The following PCDHGB1 variants were observed in gnomAD, a reference collection of about 807,000 sequenced individuals.
PCDHGB1 encodes protocadherin gamma-B1.
In PCDHGB1, 34 loss-of-function variants were observed where a neutral mutation model predicts 56.6. The observed-to-expected ratio is 0.60, with a 90% CI of 0.46 to 0.80. The LOEUF is 0.80. PCDHGB1 is among the 30% of genes least tolerant of loss of function. The pLI, the probability that PCDHGB1 is intolerant of heterozygous loss-of-function variation, is 0.00. For missense variants in PCDHGB1, 1,278 were observed against 1,204.6 expected, an observed-to-expected ratio of 1.06 and a Z score of -0.90; for synonymous variants, 561 against 505.9, an observed-to-expected ratio of 1.11 and a Z score of -1.46.
chr5:141,435,951 G>A (rs371199258), intron 1 of PCDHGB1, among the ~76,000 whole-genome samples: 1 of 152,100 alleles, frequency 6.6e-6, no homozygotes, highest in Non-Finnish European at 1.5e-5. Context: ...ACCAAAAAAG[G>A]GGGCAAAATA....
intron 1 of PCDHGB1, chr5:141,372,157 T>A: frequency 2.5e-6 from 4 of 1,613,774 alleles, no homozygotes; most frequent in Non-Finnish European, 3.4e-6. Flanking sequence ...GGCTACCTGG[T>A]GACCAAGGTG....
chr5:141,508,077 G>T (rs1166570509), intron 3 of PCDHGB1: 1 of 152,446 alleles, frequency 6.6e-6, no homozygotes, highest in Non-Finnish European at 1.5e-5. Context: ...GGCTACTCTG[G>T]AGTTGCTGCC....
chr5:141,492,962 C>T (rs1197532146), intron 1 of PCDHGB1, among the ~76,000 whole-genome samples: 2 of 152,258 alleles, frequency 1.3e-5, no homozygotes, highest in Non-Finnish European at 2.9e-5. Context: ...CTATCTGACA[C>T]TCTAACAAGT....
At chr5:141,473,039 A>G (rs1593411714) in intron 1 of PCDHGB1, among the ~76,000 whole-genome samples, 1 of 152,016 alleles carries the variant, frequency 6.6e-6, no homozygotes, top group East Asian at 1.9e-4. Context: ...GGAAGGAAAG[A>G]AAGAAAGAAG....
Position 141,489,153 on chromosome 5 carries a change from G to T in PCDHGB1, c.2410-5654G>T. 1 of 935,828 alleles carries T rather than the reference G, an allele frequency of 1.1e-6. No individual in the cohort carries two copies. Among genetic ancestry groups the T allele is most frequent in the South Asian group, 1.8e-5 (1 of 55,006 alleles). 58.0% of individuals were successfully genotyped at this position (935,828 alleles called of 1,614,324 possible). A position where few individuals can be genotyped will look rare whatever the true frequency, so the allele number is the denominator to read the frequency against. Reference sequence around the variant, plus strand: ...TTTAAGAGGCTGGAAGGAGACATAAGAGACTTCAGCTGCTGCATTCCAAGC... The same window carrying T: ...TTTAAGAGGCTGGAAGGAGACATAATAGACTTCAGCTGCTGCATTCCAAGC... On this transcript the variant is annotated intron_variant, in intron 1 of 3. Transcript: ENST00000523390. The surrounding 1 kb of genome is among the most constrained non-coding windows in gnomAD (Gnocchi z 4.5).
At chr5:141,398,019 A>T (rs2093601039) in intron 1 of PCDHGB1, 1 of 1,427,024 alleles carries the variant, frequency 7.0e-7, no homozygotes, top group Admixed American at 2.6e-5. Flanking sequence ...CGTTTCCTAA[A>T]CTGGAACTGG....
intron 1 of PCDHGB1, chr5:141,375,470 GAAAACA>G (rs1452346510): frequency 6.2e-7 from 1 of 1,613,784 alleles, no homozygotes; most frequent in Admixed American, 1.7e-5. Context: ...CTATGTCCTT[GAAAACA>G]ACCCCAGGGG....
chr5:141,415,277 T>A lies in PCDHGB1; in HGVS notation c.2409+62608T>A, dbSNP rs533281226. 42 of 1,614,216 alleles carry A rather than the reference T, an allele frequency of 2.6e-5. No individual in the cohort carries two copies. In the South Asian group the frequency reaches 4.4e-4, roughly 17 times the overall value. On this transcript the variant is annotated intron_variant, in intron 1 of 3. Coordinates refer to ENST00000523390, the MANE Select transcript of PCDHGB1 (RefSeq NM_018922.3). Reference sequence around the variant, plus strand: ...CTCACTCTGTACCTGGTGGTAGCGGTGGCCGCGGTCTCCTGCGTCTTCCTG... The same window carrying A: ...CTCACTCTGTACCTGGTGGTAGCGGAGGCCGCGGTCTCCTGCGTCTTCCTG...
At chr5:141,510,534 C>T (rs1187165551) in intron 3 of PCDHGB1, among the ~76,000 whole-genome samples, 2 of 152,126 alleles carry the variant, frequency 1.3e-5, no homozygotes, top group African/African-American at 2.4e-5. Context: ...AGAGAAATAC[C>T]AGCGAATGTG....
intron 1 of PCDHGB1, chr5:141,441,872 G>T: frequency 2.9e-6 from 1 of 341,646 alleles, no homozygotes. Flanking sequence ...GCGGAGCCTG[G>T]CTACCTGGTC....
intron 1 of PCDHGB1, among the ~76,000 whole-genome samples, chr5:141,456,363 G>A (rs1233146015): frequency 6.6e-6 from 1 of 152,098 alleles, no homozygotes; most frequent in African/African-American, 2.4e-5. Flanking sequence ...GTCCATGTGT[G>A]GTTCAGTTTA....
intron 1 of PCDHGB1, chr5:141,408,742 A>G: frequency 6.2e-7 from 1 of 1,610,074 alleles, no homozygotes; most frequent in Non-Finnish European, 8.5e-7. Flanking sequence ...ATTTTTCATT[A>G]ATGGTTAGAG....
chr5:141,460,995 A>ATG lies in PCDHGB1; in HGVS notation c.2410-33808_2410-33807dup, dbSNP rs1561986931. Among the ~76,000 whole-genome samples the ATG allele has an allele frequency of 5.3e-5, 8 of 150,188 alleles. No homozygotes were observed. The East Asian group carries it at 1.4e-3, about 26-fold the overall frequency. On this transcript the variant is annotated intron_variant, in intron 1 of 3. Transcript: ENST00000523390. ...TGTGTGTGTGTGTGTATATATATAT[A>ATG]TGTGTATATATATATACCACATTTT...
chr5:141,430,951 C>A, intron 1 of PCDHGB1: 3 of 1,610,496 alleles, frequency 1.9e-6, no homozygotes, highest in Non-Finnish European at 2.5e-6. Flanking sequence ...AGCGCGGAGT[C>A]CGCATCATCC....
At chr5:141,435,803 T>C (rs551682061) in intron 1 of PCDHGB1, among the ~76,000 whole-genome samples, 1 of 152,178 alleles carries the variant, frequency 6.6e-6, no homozygotes, top group South Asian at 2.1e-4. Context: ...ACGTCCCAAT[T>C]ATTTTTTCTT....
At chr5:141,380,669 G>C (rs1434222643) in intron 1 of PCDHGB1, among the ~76,000 whole-genome samples, 1 of 152,174 alleles carries the variant, frequency 6.6e-6, no homozygotes, top group Non-Finnish European at 1.5e-5. Flanking sequence ...TTACTCCATA[G>C]GGTATGTATG....
At position 141,371,601 on chromosome 5, in the gene PCDHGB1, A is replaced by G. The variant is rs770903429; in HGVS notation, c.2409+18932A>G. 5 of 1,613,988 alleles carry G rather than the reference A, an allele frequency of 3.1e-6. No homozygotes were observed. The East Asian group carries it at 8.9e-5, about 29-fold the overall frequency. ...CGTTCAAGATACCAAAAACACATAC[A>G]GGTTGGTGACAGATGGAGCCCTGGA... On this transcript the variant is annotated intron_variant, in intron 1 of 3. Transcript: ENST00000523390.
chr5:141,362,156 A>T (rs1762353801), intron 1 of PCDHGB1: 1 of 1,613,872 alleles, frequency 6.2e-7, no homozygotes, highest in Non-Finnish European at 8.5e-7. Flanking sequence ...GTATTGCCAG[A>T]CCTCAGCGAC....
Position 141,485,182 on chromosome 5 carries a change from C to A in PCDHGB1, c.2410-9625C>A. 6.2e-7 allele frequency: 1 copy of A among 1,613,070 alleles called. No individual in the cohort carries two copies. The highest frequency in any genetic ancestry group is 8.5e-7 in the Non-Finnish European group (1 of 1,179,154). On this transcript the variant is annotated intron_variant, in intron 1 of 3. Coordinates refer to ENST00000523390, the MANE Select transcript of PCDHGB1 (RefSeq NM_018922.3). This position sits in a 1 kb window ranked among gnomAD's most constrained non-coding sequence, Gnocchi z 5.7. ...ATTAGCGGGCGGCAGCAATGCTCCG[C>A]AAGGTGAGAAGCTGGACAGAAATCT...
Sources: allele counts gnomAD v4.1 joint callset (sites outside exome capture counted in the v4.1 genomes callset), GRCh38; gene constraint gnomAD v4.1.1; non-coding constraint Gnocchi (gnomAD v3.1); transcripts MANE v1.5; gene names NCBI Gene and HGNC (gene_info 2026-07-23, HGNC 2026-07-21).